Variants in HCFC2 observed in about 807,000 individuals in gnomAD.
HCFC2 encodes host cell factor 2.
HCFC2 carries 18 observed loss-of-function variants against 89.2 expected under a neutral mutation model. That is an observed-to-expected ratio of 0.20 (90% confidence interval 0.14 to 0.30). The LOEUF (loss-of-function observed/expected upper bound fraction) is 0.30. Ranked by LOEUF, HCFC2 falls within the 10% of genes least tolerant of loss-of-function variation. HCFC2 has a pLI of 1.00. For synonymous variants in HCFC2, 308 were observed against 335.7 expected (o/e 0.92, Z 0.90); for missense variants, 578 against 956.1 (o/e 0.60, Z 5.21).
intron 3 of HCFC2, among the ~76,000 whole-genome samples, chr12:104,077,250 GT>G (rs1286682457): frequency 3.4e-5 from 5 of 146,620 alleles, no homozygotes; most frequent in Non-Finnish European, 4.5e-5. Context: ...TTTGTTTTTT[GT>G]TTTTTTTTTG....
At chr12:104,087,402 C>T (rs375548895) in intron 8 of HCFC2, among the ~76,000 whole-genome samples, 6,597 of 135,162 alleles carry the variant, frequency 0.049, 180 homozygotes, top group South Asian at 0.12. Context: ...CACACATATA[C>T]TGCAGTACGT....
chr12:104,093,145 A>G (rs569676149), intron 9 of HCFC2, among the ~76,000 whole-genome samples: 1 of 152,170 alleles, frequency 6.6e-6, no homozygotes, highest in South Asian at 2.1e-4. Flanking sequence ...CTCAAAATAT[A>G]CTCTCCCTTT....
chr12:104,087,038 G>T, intron 8 of HCFC2, 24 bp downstream of exon 8: 3 of 1,610,932 alleles, frequency 1.9e-6, no homozygotes, highest in Non-Finnish European at 2.5e-6. Context: ...CATGCTTAAA[G>T]TATGTGTGCT....
intron 9 of HCFC2, among the ~76,000 whole-genome samples, chr12:104,090,121 C>A (rs538965832): frequency 9.9e-5 from 15 of 152,074 alleles, no homozygotes; most frequent in Middle Eastern, 3.4e-3. Flanking sequence ...TCGTTGCAAC[C>A]CCCTGAGAAG....
chr12:104,079,852 C>A (rs1041672383), intron 4 of HCFC2, among the ~76,000 whole-genome samples, 199 bp downstream of exon 4: 17 of 152,150 alleles, frequency 1.1e-4, no homozygotes, highest in African/African-American at 4.1e-4. Flanking sequence ...GACAGTAACT[C>A]TCTTGTGCAT....
At chr12:104,102,881 A>G (rs2029990585) in intron 14 of HCFC2, 78 bp from the exon 15 acceptor site, 4 of 1,181,702 alleles carry the variant, frequency 3.4e-6, no homozygotes, top group Non-Finnish European at 4.7e-6. Context: ...TTTGTATTCT[A>G]AAGATAGACT....
At position 104,068,917 on chromosome 12, in the gene HCFC2, T is replaced by C. The variant is rs1479524179; in HGVS notation, c.473+810T>C. 1.3e-5 allele frequency among the ~76,000 whole-genome samples: 2 copies of C among 152,096 alleles called. No individual in the cohort carries two copies. Among genetic ancestry groups the C allele is most frequent in the Non-Finnish European group, 2.9e-5 (2 of 68,032 alleles). On this transcript the variant is annotated intron_variant, in intron 3 of 14. Coordinates refer to ENST00000229330, the MANE Select transcript of HCFC2 (RefSeq NM_013320.3). This position sits in a 1 kb window ranked among gnomAD's most constrained non-coding sequence, Gnocchi z 4.1. ...AGGTATATAACATGATGGTATAAGA[T>C]AGATATTTTGTATATATATTAAAAT... is the stretch of plus-strand genomic sequence containing the variant.
intron 3 of HCFC2, among the ~76,000 whole-genome samples, chr12:104,071,089 A>G (rs1883312325): frequency 6.6e-6 from 1 of 152,142 alleles, no homozygotes; most frequent in Admixed American, 6.5e-5. Flanking sequence ...TACAGGCTTG[A>G]GCCACCACGC....
rs1313791982 is a variant in HCFC2 at position 104,064,874 on chromosome 12, G to A, written c.163+151G>A. 1.6e-6 allele frequency: 1 copy of A among 620,004 alleles called. No individual in the cohort carries two copies. The highest frequency in any genetic ancestry group is 2.0e-5 in the African/African-American group (1 of 51,002). The allele number at this position is 620,004 out of a possible 1,614,324, so 38.4% of individuals were successfully genotyped here. A position where few individuals can be genotyped will look rare whatever the true frequency, so the allele number is the denominator to read the frequency against. ...GGAGCGCGGCTCAGCCGGGCAGCCC[G>A]GGTCCGGCAGCTCTGTCCCGGACCG... On this transcript the variant is annotated intron_variant, in intron 1 of 14. Coordinates refer to ENST00000229330, the MANE Select transcript of HCFC2 (RefSeq NM_013320.3). This position sits in a 1 kb window ranked among gnomAD's most constrained non-coding sequence, Gnocchi z 7.3.
intron 3 of HCFC2, among the ~76,000 whole-genome samples, chr12:104,070,263 C>A (rs979391500): frequency 2.2e-5 from 3 of 138,240 alleles, no homozygotes; most frequent in Admixed American, 7.1e-5. Flanking sequence ...CTCCTGACCT[C>A]GTGATCTGCC....
In HCFC2 at chr12:104,086,840, T is replaced by C; in HGVS notation, c.1064-7T>C. On this transcript the variant is annotated splice_region_variant and splice_polypyrimidine_tract_variant and intron_variant, in intron 7 of 14. Coordinates refer to ENST00000229330, the MANE Select transcript of HCFC2 (RefSeq NM_013320.3). ...CTTAAATGTATAATATCATGATTGT[T>C]CTATAGAGAAACCACCGGCACCATC... 1 of 1,612,774 alleles carries C rather than the reference T, an allele frequency of 6.2e-7. No individual in the cohort carries two copies. Among genetic ancestry groups the C allele is most frequent in the Non-Finnish European group, 8.5e-7 (1 of 1,179,034 alleles).
chr12:104,064,710 C>T lies in HCFC2; in HGVS notation c.150C>T (p.His50=), dbSNP rs1014614065. Residue 50 remains histidine, a synonymous_variant, in exon 1 of 15, where the codon CAC becomes CAT. Transcript: ENST00000229330. This position sits in a 1 kb window ranked among gnomAD's most constrained non-coding sequence, Gnocchi z 7.3. ...GGNEGIADEL[H]VYNTATNQWF... ...ATGAGGGCATCGCGGATGAGCTGCA[C>T]GTCTACAACACGGGTAGGCGCGGCG... The T allele has an allele frequency of 5.1e-6, 8 of 1,565,052 alleles. No homozygotes were observed. The highest frequency in any genetic ancestry group is 6.9e-6 in the Non-Finnish European group (8 of 1,158,130).
chr12:104,087,422 T>A (rs1367625187), intron 8 of HCFC2, among the ~76,000 whole-genome samples: 10 of 107,994 alleles, frequency 9.3e-5, no homozygotes, highest in African/African-American at 3.2e-4. Flanking sequence ...TGTGTGTGTG[T>A]GTGTGTGTGT....
intron 3 of HCFC2, among the ~76,000 whole-genome samples, chr12:104,078,778 T>C (rs1251741221): frequency 6.6e-6 from 1 of 152,192 alleles, no homozygotes; most frequent in Non-Finnish European, 1.5e-5. Context: ...GGGTCAGGAA[T>C]TCAAATAGGC....
At position 104,064,596 on chromosome 12, in the gene HCFC2, T is replaced by A. The variant is rs1484219435; in HGVS notation, c.36T>A (p.Val12=). The A allele has an allele frequency of 1.3e-6, 2 of 1,571,308 alleles. No homozygotes were observed. The highest frequency in any genetic ancestry group is 3.4e-4 in the Middle Eastern group (2 of 5,906). Residue 12 remains valine (V), a synonymous_variant, in exon 1 of 15, where the codon GTT becomes GTA. Transcript: ENST00000229330. The surrounding 1 kb of genome is among the most constrained non-coding windows in gnomAD (Gnocchi z 7.3). ...AAPSLLNWRR[V]SSFTGPVPRA... is the part of the protein sequence containing the mutation. The stretch of plus-strand genomic sequence containing the variant: ...CCAGCCTCCTCAACTGGAGGCGAGT[T>A]TCTTCCTTCACGGGGCCGGTCCCCC...
Position 104,095,309 on chromosome 12 carries a change from C to A in HCFC2, c.1463-51C>A. On this transcript the variant is annotated intron_variant, in intron 10 of 14. Coordinates refer to ENST00000229330, the MANE Select transcript of HCFC2 (RefSeq NM_013320.3). This position sits in a 1 kb window ranked among gnomAD's most constrained non-coding sequence, Gnocchi z 4.2. ...ATATGACAAGAACGATAAGACACAA[C>A]AATTATCTGCAGATATCATATTAAT... is the stretch of plus-strand genomic sequence containing the variant. The A allele has an allele frequency of 2.2e-6, 3 of 1,370,076 alleles. No individual in the cohort carries two copies. The highest frequency in any genetic ancestry group is 1.2e-5 in the South Asian group (1 of 82,804). 84.9% of individuals were successfully genotyped at this position (1,370,076 alleles called of 1,614,324 possible). A position where few individuals can be genotyped will look rare whatever the true frequency, so the allele number is the denominator to read the frequency against.
In HCFC2 at chr12:104,079,484, C is replaced by T. The variant is rs1467461655; in HGVS notation, c.513C>T (p.Gly171=). Residue 171 remains glycine, a synonymous_variant, in exon 4 of 15, where the codon GGC becomes GGT. Transcript: ENST00000229330. ...TTTATGAGTTGGAGCTACAGCATGG[C>T]TCTGGTGTTGTGGGTTGGAGCATTC... ...NDFYELELQH[G]SGVVGWSIPV... is the part of the protein sequence containing the mutation. 6.2e-7 allele frequency: 1 copy of T among 1,613,976 alleles called. No individual in the cohort carries two copies. Among genetic ancestry groups the T allele is most frequent in the Non-Finnish European group, 8.5e-7 (1 of 1,179,974 alleles).
intron 3 of HCFC2, among the ~76,000 whole-genome samples, chr12:104,074,785 T>G (rs1429852418): frequency 1.3e-5 from 2 of 152,182 alleles, no homozygotes; most frequent in African/African-American, 4.8e-5. Context: ...GTAATCTGAT[T>G]TGAGTATCAG....
chr12:104,078,236 C>G (rs1030408156), intron 3 of HCFC2, among the ~76,000 whole-genome samples: 1 of 152,192 alleles, frequency 6.6e-6, no homozygotes, highest in African/African-American at 2.4e-5. Context: ...CTCCTGACTT[C>G]GTGTTCCGCC....
Sources: gnomAD v4.1 joint callset for allele counts (sites outside exome capture counted in the v4.1 genomes callset) on GRCh38, gnomAD v4.1.1 for gene constraint, Gnocchi (gnomAD v3.1) non-coding constraint, MANE v1.5 for transcripts, NCBI Gene and HGNC (gene_info 2026-07-23, HGNC 2026-07-21) for gene names.